Variants in CD81 observed in about 807,000 individuals in gnomAD.
CD81 encodes the protein CD81 molecule, also known as CD81 antigen.
A neutral mutation model predicts 30.1 loss-of-function variants in CD81; 10 were observed. That is an observed-to-expected ratio of 0.33 (90% CI 0.21 to 0.56). The LOEUF (loss-of-function observed/expected upper bound fraction) is 0.56. Ranked by LOEUF, CD81 falls within the 20% of genes least tolerant of loss-of-function variation. The pLI is 0.89. For missense variants in CD81, 263 were observed against 308.7 expected (o/e 0.85, Z 1.11); for synonymous variants, 147 against 126.4 (o/e 1.16, Z -1.10).
At chr11:2,395,201 A>G (rs1456784776) in intron 4 of CD81, 155 bp downstream of exon 4, 4 of 747,246 alleles carry the variant, frequency 5.4e-6, no homozygotes, top group Non-Finnish European at 9.4e-6. Flanking sequence ...GGCTTTATGG[A>G]GGAGGCAGCA....
chr11:2,395,889 C>A lies in CD81; in HGVS notation c.480C>A (p.Ser160Arg). 3.1e-6 allele frequency: 5 copies of A among 1,611,876 alleles called. No homozygotes were observed. The highest frequency in any genetic ancestry group is 4.2e-6 in the Non-Finnish European group (5 of 1,179,268). The change falls in exon 6 of 8, where the codon AGC (serine) becomes AGA (arginine). Residue 160 changes from serine to arginine, a missense_variant. By Grantham distance (110) the Ser-to-Arg change is moderately radical (BLOSUM62 -1). Transcript: ENST00000263645. ...TGCAGCTTGACTGCTGTGGCTCCAG[C>A]ACACTGACTGCTTTGACCACCTCAG... ...FHETLDCCGS[S>R]TLTALTTSVL...
chr11:2,394,267 G>T, intron 3 of CD81, 75 bp downstream of exon 3: 1 of 974,258 alleles, frequency 1.0e-6, no homozygotes, highest in Non-Finnish European at 1.6e-6. Flanking sequence ...GGAGGGGGCA[G>T]AGCTGGTGCT....
intron 1 of CD81, among the ~76,000 whole-genome samples, chr11:2,382,268 C>T (rs564489700): frequency 3.1e-4 from 47 of 152,334 alleles, no homozygotes; most frequent in South Asian, 1.7e-3. Context: ...AAGGAGTTGG[C>T]GGTAGGGCTG....
intron 1 of CD81, among the ~76,000 whole-genome samples, chr11:2,389,754 C>A (rs908835310): frequency 1.3e-5 from 2 of 152,122 alleles, no homozygotes; most frequent in African/African-American, 4.8e-5. Flanking sequence ...CATCCCACAG[C>A]AGGGATGTAT....
At chr11:2,387,217 TTA>T (rs1012637755) in intron 1 of CD81, among the ~76,000 whole-genome samples, 9 of 152,034 alleles carry the variant, frequency 5.9e-5, no homozygotes, top group Non-Finnish European at 8.8e-5. Flanking sequence ...CAGCTCTGTT[TTA>T]TAGAGGGGGA....
Position 2,377,391 on chromosome 11 carries a change from ACGCGCCCCCGCGCCCCCGCGCCCC to A in CD81, c.-150_-127del. 6.6e-6 allele frequency: 1 copy of A among 150,892 alleles called. No individual in the cohort carries two copies. The highest frequency in any genetic ancestry group is 1.8e-4 in the South Asian group (1 of 5,498). The allele number at this position is 150,892 out of a possible 1,614,324, so 9.3% of individuals were successfully genotyped here. On this transcript the variant is annotated 5_prime_UTR_variant, in exon 1 of 8. Transcript: ENST00000263645. The surrounding 1 kb of genome is among the most constrained non-coding windows in gnomAD (Gnocchi z 7.7). Reference sequence around the variant, plus strand: ...CCAGGCCTCCGGCGCCCAGCGCCCCACGCGCCCCCGCGCCCCCGCGCCCCCGCGCCCCTTTCTTCGCGCCCCCGC... The same window carrying A: ...CCAGGCCTCCGGCGCCCAGCGCCCCACGCGCCCCTTTCTTCGCGCCCCCGC...
chr11:2,389,686 C>A (rs987335742), intron 1 of CD81, among the ~76,000 whole-genome samples: 1 of 152,168 alleles, frequency 6.6e-6, no homozygotes, highest in South Asian at 2.1e-4. Context: ...CCCCTTCCCC[C>A]AGCCCATCTT....
chr11:2,389,731 T>G (rs1849862779), intron 1 of CD81, among the ~76,000 whole-genome samples: 1 of 151,730 alleles, frequency 6.6e-6, no homozygotes, highest in African/African-American at 2.4e-5. Context: ...CCCAAGTCCC[T>G]TCCCAGGGCT....
At chr11:2,379,544 C>T (rs964370138) in intron 1 of CD81, among the ~76,000 whole-genome samples, 1 of 151,160 alleles carries the variant, frequency 6.6e-6, no homozygotes, top group African/African-American at 2.4e-5. Flanking sequence ...GGGACTTCTC[C>T]GGAGGTGGAT....
Position 2,390,414 on chromosome 11 carries a change from G to A in CD81, c.69G>A (p.Leu23=), listed in dbSNP as rs780597907. 3 of 1,611,432 alleles carry A rather than the reference G, an allele frequency of 1.9e-6. No homozygotes were observed. In the Admixed American group the frequency reaches 5.0e-5, roughly 27 times the overall value. Residue 23 remains leucine (L), a splice_region_variant and synonymous_variant, in exon 2 of 8, where the codon CTG becomes CTA. Transcript: ENST00000263645. ...ACACTGTTCCCGCTCTTTCCCAGCTGGCTGGAGGCGTGATCCTGGGTGTGG... is the reference window on the plus strand; with the variant it reads ...ACACTGTTCCCGCTCTTTCCCAGCTAGCTGGAGGCGTGATCCTGGGTGTGG... ...LLFVFNFVFW[L]AGGVILGVAL... is the part of the protein sequence containing the mutation.
intron 6 of CD81, 189 bp downstream of exon 6, chr11:2,396,159 C>T (rs111856652): frequency 3.1e-6 from 2 of 649,152 alleles, no homozygotes; most frequent in Non-Finnish European, 5.6e-6. Context: ...AAGGCAGGCG[C>T]CCTGTGCTGC....
At chr11:2,391,955 G>C (rs1166809487) in intron 2 of CD81, 1 of 152,246 alleles carries the variant, frequency 6.6e-6, no homozygotes, top group African/African-American at 2.4e-5. Context: ...AGGATATTTG[G>C]GGTCCAGAAG....
intron 3 of CD81, 181 bp from the exon 4 acceptor site, chr11:2,394,791 C>A (rs1345924653): frequency 3.3e-5 from 22 of 675,506 alleles, no homozygotes; most frequent in Non-Finnish European, 5.1e-5. Flanking sequence ...CTCCTCCCTG[C>A]GCTGAGTTTT....
intron 1 of CD81, chr11:2,389,967 G>T: frequency 3.0e-6 from 1 of 329,930 alleles, no homozygotes; most frequent in Non-Finnish European, 6.0e-6. Context: ...GGATGCTCAG[G>T]TCCTGGTATC....
upstream of CD81, among the ~76,000 whole-genome samples, chr11:2,377,127 G>A (rs928974531): frequency 6.6e-6 from 1 of 152,070 alleles, no homozygotes; most frequent in Non-Finnish European, 1.5e-5. The surrounding 1 kb of genome is among the most constrained non-coding windows in gnomAD (Gnocchi z 7.7). Context: ...GTGCACCTGG[G>A]CCCTGAGGTC....
chr11:2,388,589 G>GT (rs1439097066), intron 1 of CD81, among the ~76,000 whole-genome samples: 1 of 152,240 alleles, frequency 6.6e-6, no homozygotes, highest in African/African-American at 2.4e-5. Context: ...GTCGGCGCCT[G>GT]GTGCTGGTGA....
At chr11:2,376,544 G>A (rs925567614), upstream of CD81, among the ~76,000 whole-genome samples, 6 of 152,180 alleles carry the variant, frequency 3.9e-5, no homozygotes, top group Admixed American at 6.5e-5. Flanking sequence ...CACACCTTCC[G>A]GAAGAGCCAC....
upstream of CD81, among the ~76,000 whole-genome samples, chr11:2,376,580 A>G (rs1406314375): frequency 6.6e-6 from 1 of 152,212 alleles, no homozygotes; most frequent in Non-Finnish European, 1.5e-5. Context: ...TCCCTGGGGC[A>G]CGACACAACC....
intron 1 of CD81, among the ~76,000 whole-genome samples, chr11:2,387,590 T>G (rs1849819230): frequency 6.6e-6 from 1 of 151,604 alleles, no homozygotes; most frequent in South Asian, 2.1e-4. Context: ...CGGCCCTCCC[T>G]GTGCTCCCAC....
Sources: allele counts gnomAD v4.1 joint callset (sites outside exome capture counted in the v4.1 genomes callset), GRCh38; gene constraint gnomAD v4.1.1; non-coding constraint Gnocchi (gnomAD v3.1); transcripts MANE v1.5; gene names NCBI Gene and HGNC (gene_info 2026-07-23, HGNC 2026-07-21).